RABGEF1: variants seen among roughly 807,000 people sequenced by gnomAD.
RABGEF1 encodes the protein rab5 GDP/GTP exchange factor.
A neutral mutation model predicts 57.3 loss-of-function variants in RABGEF1; 26 were observed. The ratio of observed to expected loss-of-function variants is 0.45; its 90% CI spans 0.33 to 0.63. The LOEUF (loss-of-function observed/expected upper bound fraction) is 0.63. Among genes scored for constraint, RABGEF1 ranks in the 20% least tolerant of loss-of-function variants. RABGEF1 has a pLI of 0.02. For synonymous variants in RABGEF1, 185 were observed against 210.7 expected (o/e 0.88, Z 1.06); for missense variants, 464 against 607.6 (o/e 0.76, Z 2.48).
At chr7:66,769,763 G>A (rs1324707810) in intron 1 of RABGEF1, among the ~76,000 whole-genome samples, 1 of 152,180 alleles carries the variant, frequency 6.6e-6, no homozygotes, top group Non-Finnish European at 1.5e-5. Context: ...GCTTTCAGTG[G>A]TGACTTTCAA....
chr7:66,659,786 AT>A, the RABGEF1 span, among the ~76,000 whole-genome samples: 115 of 147,668 alleles, frequency 7.8e-4, no homozygotes, highest in South Asian at 4.2e-3. Flanking sequence ...CTCAAAAAAA[AT>A]AAATAAATAA....
chr7:66,668,022 T>C, the RABGEF1 span, among the ~76,000 whole-genome samples: 12 of 152,310 alleles, frequency 7.9e-5, no homozygotes, highest in African/African-American at 2.9e-4. Context: ...GGTCTCGAAC[T>C]TCTGACCTCA....
intron 1 of RABGEF1, among the ~76,000 whole-genome samples, chr7:66,743,540 C>T (rs10243608): frequency 0.095 from 14,400 of 151,912 alleles, 788 homozygotes; most frequent in Non-Finnish European, 0.11. Flanking sequence ...CTGGCTCTGT[C>T]GCCCAGGCTG....
intron 1 of RABGEF1, among the ~76,000 whole-genome samples, chr7:66,742,124 C>T (rs1215124921): frequency 2.0e-5 from 3 of 151,040 alleles, no homozygotes; most frequent in Admixed American, 6.6e-5. Context: ...GCACTCCAGC[C>T]TGGGCGACAG....
rs1297168423 is a variant in RABGEF1, at chr7:66,713,053, G to A, written c.-815+829G>A. 4.6e-5 allele frequency among the ~76,000 whole-genome samples: 7 copies of A among 151,784 alleles called. No individual in the cohort carries two copies. In the East Asian group the frequency reaches 7.7e-4, roughly 17 times the overall value. On this transcript the variant is annotated intron_variant and NMD_transcript_variant, in intron 2 of 9. Transcript: ENST00000607882. ...TGGTCTCGAACTCCTGGGCTCAAGC[G>A]ATCCTCCTGCCTCAGCTTCCCAAAG...
At chr7:66,680,349 A>G (rs1257191789), upstream of RABGEF1, among the ~76,000 whole-genome samples, 1 of 151,508 alleles carries the variant, frequency 6.6e-6, no homozygotes. Context: ...GGTTCAAGTG[A>G]TTCTCCTGCC....
chr7:66,681,381 G>T (rs960624367), upstream of RABGEF1, among the ~76,000 whole-genome samples: 2 of 148,328 alleles, frequency 1.3e-5, no homozygotes, highest in African/African-American at 2.5e-5. Context: ...TCACTTCTGG[G>T]TCTCAGTTAC....
At chr7:66,785,405 T>C (rs988855319) in intron 4 of RABGEF1, among the ~76,000 whole-genome samples, 4 of 152,230 alleles carry the variant, frequency 2.6e-5, no homozygotes, top group African/African-American at 9.6e-5. Context: ...AGAGATGTTT[T>C]TTAAACTGAA....
upstream of RABGEF1, among the ~76,000 whole-genome samples, chr7:66,677,639 G>A (rs955943248): frequency 6.6e-6 from 1 of 151,762 alleles, no homozygotes; most frequent in Non-Finnish European, 1.5e-5. Flanking sequence ...GCGGGTGCCT[G>A]TAGTCCCAGC....
intron 7 of RABGEF1, among the ~76,000 whole-genome samples, chr7:66,801,192 G>C (rs1213938076): frequency 6.6e-6 from 1 of 152,214 alleles, no homozygotes; most frequent in Non-Finnish European, 1.5e-5. Context: ...GACAAGGAGA[G>C]TGTCAGGGCC....
At chr7:66,658,714 C>G in the RABGEF1 span, among the ~76,000 whole-genome samples, 1 of 152,072 alleles carries the variant, frequency 6.6e-6, no homozygotes, top group Non-Finnish European at 1.5e-5. Flanking sequence ...CTTTCAAAAA[C>G]TTGAAGAGGA....
chr7:66,674,339 A>C, the RABGEF1 span, among the ~76,000 whole-genome samples: 1 of 151,688 alleles, frequency 6.6e-6, no homozygotes, highest in African/African-American at 2.4e-5. Context: ...ACAGGCACCC[A>C]CCACCACACC....
upstream of RABGEF1, among the ~76,000 whole-genome samples, chr7:66,735,850 C>A (rs1256140887): frequency 6.6e-6 from 1 of 152,190 alleles, no homozygotes; most frequent in Admixed American, 6.5e-5. Context: ...CACCCAGTCT[C>A]AGGCATTTCT....
At chr7:66,668,539 C>G in the RABGEF1 span, among the ~76,000 whole-genome samples, 1 of 152,152 alleles carries the variant, frequency 6.6e-6, no homozygotes, top group East Asian at 1.9e-4. Context: ...GGAGAAGACC[C>G]TCTGGAGAGG....
chr7:66,805,233 C>A lies in RABGEF1; in HGVS notation c.914C>A (p.Thr305Asn). 8 of 1,614,190 alleles carry A rather than the reference C, an allele frequency of 5.0e-6. No individual in the cohort carries two copies. The highest frequency in any genetic ancestry group is 6.8e-6 in the Non-Finnish European group (8 of 1,180,042). ...CACATCTTCAATGCCATCAAGATCA[C>A]CAAGAATGAGCCGGCGTCAGCGGAT... ...SKHIFNAIKI[T>N]KNEPASADDF... Residue 305 changes from threonine (T) to asparagine (N), a missense_variant, in exon 8 of 9, where the codon ACC becomes AAC. Coordinates refer to ENST00000284957, the MANE Select transcript of RABGEF1 (RefSeq NM_014504.3).
chr7:66,760,442 A>ATTTTTTTTTTT (rs1024130038), intron 1 of RABGEF1, among the ~76,000 whole-genome samples: 2 of 126,156 alleles, frequency 1.6e-5, no homozygotes, highest in East Asian at 2.3e-4. Context: ...GTTAGCATGT[A>ATTTTTTTTTTT]TTTTTTTTTT....
intron 1 of RABGEF1, among the ~76,000 whole-genome samples, chr7:66,743,888 C>T (rs1307623866): frequency 1.3e-5 from 2 of 152,100 alleles, no homozygotes; most frequent in East Asian, 1.9e-4. Context: ...GCCTCGGCCT[C>T]CCAAAGTGTT....
upstream of RABGEF1, among the ~76,000 whole-genome samples, chr7:66,677,741 G>A (rs529194848): frequency 3.6e-4 from 47 of 131,504 alleles, no homozygotes; most frequent in African/African-American, 1.3e-3. Flanking sequence ...CAGCCTGGGT[G>A]ACAAAGCAAG....
intron 6 of RABGEF1, 79 bp from the exon 7 acceptor site, chr7:66,799,244 C>G (rs1239427185): frequency 8.4e-7 from 1 of 1,185,642 alleles, no homozygotes; most frequent in African/African-American, 1.5e-5. Flanking sequence ...CTCAGGCTTT[C>G]CCTAAACTGA....
Sources: allele counts gnomAD v4.1 joint callset (sites outside exome capture counted in the v4.1 genomes callset), GRCh38; gene constraint gnomAD v4.1.1; transcripts MANE v1.5; gene names NCBI Gene and HGNC (gene_info 2026-07-23, HGNC 2026-07-21).